Variants in MACF1 observed in about 807,000 individuals in gnomAD.
MACF1 encodes microtubule-actin cross-linking factor 1.
A neutral mutation model predicts 854.8 loss-of-function variants in MACF1; 193 were observed. The ratio of observed to expected loss-of-function variants is 0.23; its 90% confidence interval spans 0.20 to 0.25. MACF1 has a LOEUF of 0.25. Ranked by LOEUF, MACF1 falls within the 10% of genes least tolerant of loss-of-function variation. The probability of loss-of-function intolerance (pLI) is 1.00; values close to 1 mark genes in which losing one functional copy is unlikely to be tolerated. For synonymous variants in MACF1, 3,185 were observed against 3,226.7 expected (o/e 0.99, Z 0.44); for missense variants, 7,722 against 8,929.1 (o/e 0.86, Z 5.45).
rs886835706 is a variant in MACF1 at position 39,309,691 on chromosome 1, G to A, written c.2911G>A (p.Glu971Lys). 6.2e-7 allele frequency: 1 copy of A among 1,609,662 alleles called. No homozygotes were observed. Among genetic ancestry groups the A allele is most frequent in the Non-Finnish European group, 8.5e-7 (1 of 1,178,780 alleles). Residue 971 changes from glutamate (E) to lysine (K), a missense_variant, in exon 24 of 101, where the codon GAA (glutamate) becomes AAA (lysine). Glu to Lys is a moderately conservative substitution (Grantham distance 56, BLOSUM62 1). Transcript: ENST00000564288. Reference sequence around the variant, plus strand: ...TGACCTTGTACAGACCTGGAACCTAGAAAAGGTAATTATGAAAACCTTACC... The same window carrying A: ...TGACCTTGTACAGACCTGGAACCTAAAAAAGGTAATTATGAAAACCTTACC... ...DLDLVQTWNLEKLRSSAPGEC... is the reference protein window; with the variant it reads ...DLDLVQTWNLKKLRSSAPGEC...
chr1:39,373,685 T>G (rs1649456419), intron 52 of MACF1, among the ~76,000 whole-genome samples: 1 of 150,064 alleles, frequency 6.7e-6, no homozygotes. Flanking sequence ...AAACCTTGTC[T>G]CTACTAAAAA....
chr1:39,166,686 C>T (rs1195725431), intron 2 of MACF1, among the ~76,000 whole-genome samples: 2 of 152,198 alleles, frequency 1.3e-5, no homozygotes, highest in African/African-American at 4.8e-5. Context: ...CTCCTGACCT[C>T]AGGTGACCCA....
intron 2 of MACF1, among the ~76,000 whole-genome samples, chr1:39,153,018 T>C (rs541806363): frequency 1.9e-4 from 29 of 152,314 alleles, no homozygotes; most frequent in African/African-American, 7.0e-4. Context: ...TTTAGCTGAC[T>C]TAGTGGTGCA....
chr1:39,379,523 A>C, intron 54 of MACF1, 79 bp downstream of exon 54: 2 of 1,489,058 alleles, frequency 1.3e-6, no homozygotes, highest in Non-Finnish European at 1.8e-6. Flanking sequence ...AAGCCCAGGT[A>C]TCTGAGAGAG....
chr1:39,330,897 G>A (rs1399909544), intron 36 of MACF1, among the ~76,000 whole-genome samples: 1 of 151,818 alleles, frequency 6.6e-6, no homozygotes, highest in Non-Finnish European at 1.5e-5. Context: ...CACCTCCCGG[G>A]TTCAAGCCAT....
rs149064318 is a variant in MACF1 at position 39,358,969 on chromosome 1, G to A, written c.12120+96G>A. 1,422 of 1,466,980 alleles carry A rather than the reference G, an allele frequency of 9.7e-4. 15 individuals are homozygous for A. The African/African-American group carries it at 0.018, about 19-fold the overall frequency. The allele number at this position is 1,466,980 out of a possible 1,614,324, so 90.9% of individuals were successfully genotyped here. A position where few individuals can be genotyped will look rare whatever the true frequency, so the allele number is the denominator to read the frequency against. On this transcript the variant is annotated intron_variant, in intron 46 of 100. Coordinates refer to ENST00000564288, the MANE Select transcript of MACF1 (RefSeq NM_001394062.1). The stretch of plus-strand genomic sequence containing the variant: ...AAGCAAATGCTTACATAAAATAAAG[G>A]CAGTGGTTGGGATGCCTTGGACAAG...
chr1:39,462,508 C>T (rs933864906), intron 93 of MACF1, among the ~76,000 whole-genome samples: 2 of 150,942 alleles, frequency 1.3e-5, no homozygotes, highest in East Asian at 3.9e-4. Context: ...AGTTCGAGAC[C>T]AGCCTGGGCA....
intron 2 of MACF1, among the ~76,000 whole-genome samples, chr1:39,093,305 C>CTTTCT (rs1641855325): frequency 1.8e-5 from 1 of 54,122 alleles, no homozygotes; most frequent in Non-Finnish European, 3.3e-5. Flanking sequence ...TACTCCACTT[C>CTTTCT]TTTTTTTTTT....
chr1:39,138,552 TC>T (rs1259242150), intron 2 of MACF1, among the ~76,000 whole-genome samples: 3 of 150,018 alleles, frequency 2.0e-5, no homozygotes, highest in Non-Finnish European at 4.4e-5. Flanking sequence ...GCCACTGCAC[TC>T]CAGCCTAGGC....
intron 61 of MACF1, among the ~76,000 whole-genome samples, chr1:39,425,364 A>G (rs1332158877): frequency 6.6e-6 from 1 of 152,124 alleles, no homozygotes; most frequent in Non-Finnish European, 1.5e-5. Flanking sequence ...CCCATCCCCC[A>G]GCTGCAGATG....
At chr1:39,229,818 C>T (rs551752492) in intron 1 of MACF1, among the ~76,000 whole-genome samples, 14 of 152,272 alleles carry the variant, frequency 9.2e-5, no homozygotes, top group African/African-American at 3.1e-4. Flanking sequence ...CTCACTGCAA[C>T]GTCCACCTCC....
chr1:39,207,003 T>C (rs1461776619), intron 1 of MACF1: 1 of 151,636 alleles, frequency 6.6e-6, no homozygotes, highest in African/African-American at 2.4e-5. Flanking sequence ...TAATTGGAGT[T>C]ACATACAGTA....
chr1:39,253,741 C>T (rs921526048), intron 4 of MACF1, among the ~76,000 whole-genome samples: 1 of 152,130 alleles, frequency 6.6e-6, no homozygotes. Context: ...GTCTCTAACT[C>T]CTGGGCTCAA....
intron 2 of MACF1, among the ~76,000 whole-genome samples, chr1:39,172,087 T>C (rs1030960358): frequency 8.5e-5 from 13 of 152,382 alleles, no homozygotes; most frequent in African/African-American, 3.1e-4. Flanking sequence ...CTCTGAATGT[T>C]GCACATCAGC....
chr1:39,124,910 C>G lies in MACF1; in HGVS notation c.220+40472C>G, dbSNP rs527421131. ...GAATCAGGATTTGAGCTGAGACACTCTTATTCCAGCATCTGTGCTCTATTT... is the reference window on the plus strand; with the variant it reads ...GAATCAGGATTTGAGCTGAGACACTGTTATTCCAGCATCTGTGCTCTATTT... On this transcript the variant is annotated intron_variant, in intron 2 of 93. Transcript: ENST00000361689. 2.0e-5 allele frequency among the ~76,000 whole-genome samples: 3 copies of G among 152,342 alleles called. No individual in the cohort carries two copies. In the East Asian group the frequency reaches 5.8e-4, roughly 29 times the overall value.
At chr1:39,468,568 T>C (rs1644715419) in intron 95 of MACF1, 47 bp from the exon 96 acceptor site, 2 of 1,459,810 alleles carry the variant, frequency 1.4e-6, no homozygotes, top group African/African-American at 1.4e-5. Flanking sequence ...AAAACATAGA[T>C]CTGCTTTAAG....
At chr1:39,090,928 C>A (rs1266031825) in intron 2 of MACF1, among the ~76,000 whole-genome samples, 2 of 152,156 alleles carry the variant, frequency 1.3e-5, no homozygotes, top group Non-Finnish European at 2.9e-5. Flanking sequence ...GTGGCTAGGG[C>A]CTGCCATGAT....
chr1:39,441,199 A>G (rs542125157), intron 73 of MACF1, 25 bp from the exon 74 acceptor site: 16 of 1,613,906 alleles, frequency 9.9e-6, no homozygotes, highest in Middle Eastern at 1.6e-4. Context: ...TGATTGAAGA[A>G]TCTGATTGAA....
chr1:39,222,071 A>G (rs1383355000), intron 1 of MACF1, among the ~76,000 whole-genome samples: 1 of 152,134 alleles, frequency 6.6e-6, no homozygotes, highest in East Asian at 1.9e-4. Context: ...GTTCCCTAAA[A>G]CACATCCTGT....
Sources: gnomAD v4.1 joint callset for allele counts (sites outside exome capture counted in the v4.1 genomes callset) on GRCh38, gnomAD v4.1.1 for gene constraint, MANE v1.5 for transcripts, NCBI Gene and HGNC (gene_info 2026-07-23, HGNC 2026-07-21) for gene names.